GRM8: variants seen among roughly 807,000 people sequenced by gnomAD.
GRM8 encodes the protein metabotropic glutamate receptor 8.
A neutral mutation model predicts 87.2 loss-of-function variants in GRM8; 47 were observed. The ratio of observed to expected loss-of-function variants is 0.54; its 90% CI spans 0.43 to 0.69. GRM8 has a LOEUF of 0.69. GRM8 is among the 30% of genes least tolerant of loss of function. The pLI, the probability that GRM8 is intolerant of heterozygous loss-of-function variation, is 0.00. For synonymous variants in GRM8, 396 were observed against 404.5 expected (o/e 0.98, Z 0.25); for missense variants, 1,019 against 1,139.2 (o/e 0.89, Z 1.52).
chr7:126,724,705 T>C (rs902303793), intron 7 of GRM8, among the ~76,000 whole-genome samples: 3 of 151,736 alleles, frequency 2.0e-5, no homozygotes, highest in Non-Finnish European at 2.9e-5. Context: ...TTTTAAAATA[T>C]GTGCCTGAAA....
intron 2 of GRM8, among the ~76,000 whole-genome samples, chr7:127,155,645 C>A (rs1183734794): frequency 6.6e-6 from 1 of 152,136 alleles, no homozygotes; most frequent in Non-Finnish European, 1.5e-5. Flanking sequence ...AAGAACTTAT[C>A]TGGAACTAAA....
intron 3 of GRM8, among the ~76,000 whole-genome samples, chr7:126,967,260 G>C (rs1377499576): frequency 1.3e-5 from 2 of 152,090 alleles, no homozygotes; most frequent in Non-Finnish European, 2.9e-5. Context: ...GGAAAGATTT[G>C]AATACACTTA....
At chr7:127,100,443 T>C (rs1321120369) in intron 3 of GRM8, among the ~76,000 whole-genome samples, 5 of 152,214 alleles carry the variant, frequency 3.3e-5, no homozygotes, top group African/African-American at 1.2e-4. Flanking sequence ...TACCATACTG[T>C]TACCTCCCAT....
chr7:126,955,285 AC>A (rs1313572797), intron 3 of GRM8, among the ~76,000 whole-genome samples: 2 of 152,108 alleles, frequency 1.3e-5, no homozygotes, highest in African/African-American at 4.8e-5. Flanking sequence ...TGTCCTATCT[AC>A]CTCTCCCACC....
At position 126,488,026 on chromosome 7, in the gene GRM8, C is replaced by T. The variant is rs1051233974; in HGVS notation, c.2431-41654G>A. Among the ~76,000 whole-genome samples, 4 of 151,930 alleles carry T rather than the reference C, an allele frequency of 2.6e-5. No homozygotes were observed. In the East Asian group the frequency reaches 7.8e-4, roughly 30 times the overall value. On this transcript the variant is annotated intron_variant, in intron 9 of 10. Transcript: ENST00000339582. ...GCAACTAGATCAGCTTTCAACCTAA[C>T]CTCATAAGAGCTTTTCCTTGAAGCA...
intron 8 of GRM8, among the ~76,000 whole-genome samples, chr7:126,576,953 A>T (rs1015276078): frequency 6.6e-6 from 1 of 151,982 alleles, no homozygotes; most frequent in Non-Finnish European, 1.5e-5. Context: ...CAAGCTTTTG[A>T]CTCCAGGAAA....
chr7:126,499,619 G>T (rs1245557012), intron 9 of GRM8, among the ~76,000 whole-genome samples: 1 of 151,886 alleles, frequency 6.6e-6, no homozygotes, highest in African/African-American at 2.4e-5. Flanking sequence ...AAAAGGGAAT[G>T]TCTGTTATTT....
chr7:126,636,667 T>C (rs1055085794), intron 7 of GRM8, among the ~76,000 whole-genome samples: 1 of 152,056 alleles, frequency 6.6e-6, no homozygotes, highest in Non-Finnish European at 1.5e-5. Context: ...ACTTCTAGTT[T>C]TTTTTTCTGT....
rs537340192 is a variant in GRM8, at chr7:126,559,604, G to C, written c.1495-25717C>G. ...ATAGATCACATTGTCTTGTGCAACA[G>C]TTCCTTCTAAAACACCTTTGAGATG... On this transcript the variant is annotated intron_variant, in intron 8 of 10. Transcript: ENST00000339582. Among the ~76,000 whole-genome samples, 3 of 152,264 alleles carry C rather than the reference G, an allele frequency of 2.0e-5. No individual in the cohort carries two copies. The South Asian group carries it at 6.2e-4, about 32-fold the overall frequency.
At chr7:126,967,137 G>A (rs1241186109) in intron 3 of GRM8, among the ~76,000 whole-genome samples, 1 of 149,986 alleles carries the variant, frequency 6.7e-6, no homozygotes, top group African/African-American at 2.5e-5. Flanking sequence ...GGTAGTTGTT[G>A]GCACTGCCTT....
chr7:126,747,977 CAT>C (rs1359865130), intron 7 of GRM8, among the ~76,000 whole-genome samples: 1 of 151,852 alleles, frequency 6.6e-6, no homozygotes, highest in Non-Finnish European at 1.5e-5. Context: ...TTTATTGTGT[CAT>C]ATTATCACAC....
At chr7:126,440,778 G>C (rs947994303) in intron 10 of GRM8, among the ~76,000 whole-genome samples, 2 of 151,990 alleles carry the variant, frequency 1.3e-5, no homozygotes, top group African/African-American at 4.8e-5. Context: ...TTTGCGCAAA[G>C]ACAAAATTGC....
chr7:126,878,701 T>A (rs1375023194), intron 6 of GRM8, among the ~76,000 whole-genome samples: 1 of 151,906 alleles, frequency 6.6e-6, no homozygotes, highest in Non-Finnish European at 1.5e-5. Context: ...TTTGTGCTTT[T>A]AGCAGAGATG....
intron 2 of GRM8, among the ~76,000 whole-genome samples, chr7:127,223,110 G>C (rs555465292): frequency 1.4e-4 from 21 of 152,224 alleles, no homozygotes; most frequent in South Asian, 2.1e-4. Flanking sequence ...CATAAGTCTA[G>C]CTAAAAACTG....
chr7:127,064,663 TAAAC>T (rs1820932900), intron 3 of GRM8, among the ~76,000 whole-genome samples: 1 of 152,136 alleles, frequency 6.6e-6, no homozygotes, highest in African/African-American at 2.4e-5. Flanking sequence ...ATAAGGAACT[TAAAC>T]AAATTTATAA....
chr7:126,947,691 T>C (rs1042389801), intron 3 of GRM8, among the ~76,000 whole-genome samples: 1 of 152,102 alleles, frequency 6.6e-6, no homozygotes, highest in South Asian at 2.1e-4. Flanking sequence ...CCCCGAGGCC[T>C]TCCTATCATA....
chr7:127,001,944 C>T lies in GRM8; in HGVS notation c.728-97261G>A, dbSNP rs28951080. Among the ~76,000 whole-genome samples, 11 of 151,776 alleles carry T rather than the reference C, an allele frequency of 7.2e-5. No homozygotes were observed. In the East Asian group the frequency reaches 2.1e-3, roughly 29 times the overall value. Reference sequence around the variant, plus strand: ...TTTTCTGAGCAAAAAAAGATAGGCACACTGTATCATTCCATTTATATGAAA... The same window carrying T: ...TTTTCTGAGCAAAAAAAGATAGGCATACTGTATCATTCCATTTATATGAAA... On this transcript the variant is annotated intron_variant, in intron 3 of 10. Transcript: ENST00000339582.
At chr7:127,096,389 A>G (rs898869700) in intron 3 of GRM8, among the ~76,000 whole-genome samples, 3 of 151,922 alleles carry the variant, frequency 2.0e-5, no homozygotes, top group Non-Finnish European at 4.4e-5. Flanking sequence ...GTGAAACCCT[A>G]TCTCTACTAA....
At chr7:127,200,985 T>C (rs1795554866) in intron 2 of GRM8, among the ~76,000 whole-genome samples, 1 of 152,232 alleles carries the variant, frequency 6.6e-6, no homozygotes, top group Non-Finnish European at 1.5e-5. Flanking sequence ...CACCAACTTC[T>C]CAACAAGTGC....
Sources: allele counts gnomAD v4.1 joint callset (sites outside exome capture counted in the v4.1 genomes callset), GRCh38; gene constraint gnomAD v4.1.1; transcripts MANE v1.5; gene names NCBI Gene and HGNC (gene_info 2026-07-23, HGNC 2026-07-21).